The following GDNF variants were observed in gnomAD, a reference collection of about 807,000 sequenced individuals.
The protein encoded by GDNF is glial cell derived neurotrophic factor.
A neutral mutation model predicts 13.7 loss-of-function variants in GDNF; 5 were observed. The observed-to-expected ratio is 0.36, with a 90% CI of 0.19 to 0.77. The LOEUF (loss-of-function observed/expected upper bound fraction) is 0.77. GDNF is among the 30% of genes least tolerant of loss of function. The pLI is 0.51. For missense variants in GDNF, 246 were observed against 274.3 expected, an observed-to-expected ratio of 0.90 and a Z score of 0.73; for synonymous variants, 122 against 112.5, an observed-to-expected ratio of 1.08 and a Z score of -0.53.
At chr5:37,819,094 G>A (rs180816313) in intron 2 of GDNF, among the ~76,000 whole-genome samples, 2 of 152,316 alleles carry the variant, frequency 1.3e-5, no homozygotes, top group African/African-American at 4.8e-5. Flanking sequence ...AGTAGGCTGT[G>A]GAGGCCTACG....
rs1233684883 is a variant in GDNF, at chr5:37,816,154, G to A, written c.152-19C>T. ...ATATTTGCTGTTCAAAAAGAAAAGA[G>A]AAAATGGCACATGAGACAAAATGAT... On this transcript the variant is annotated intron_variant, in intron 2 of 2. Coordinates refer to ENST00000326524, the MANE Select transcript of GDNF (RefSeq NM_000514.4). 1 of 1,612,806 alleles carries A rather than the reference G, an allele frequency of 6.2e-7. No individual in the cohort carries two copies. Among genetic ancestry groups the A allele is most frequent in the South Asian group, 1.1e-5 (1 of 91,064 alleles).
intron 2 of GDNF, among the ~76,000 whole-genome samples, chr5:37,823,537 CA>C (rs1488444372): frequency 4.6e-5 from 7 of 152,208 alleles, no homozygotes. Flanking sequence ...CTGGTTCTTG[CA>C]TATCACGCTA....
At chr5:37,818,778 G>T (rs1236496940) in intron 2 of GDNF, among the ~76,000 whole-genome samples, 1 of 152,156 alleles carries the variant, frequency 6.6e-6, no homozygotes, top group Non-Finnish European at 1.5e-5. Context: ...GGTAGGCAAA[G>T]AATACCAGAT....
chr5:37,824,577 G>A (rs1458441002), intron 2 of GDNF: 5 of 152,190 alleles, frequency 3.3e-5, no homozygotes, highest in African/African-American at 1.2e-4. Flanking sequence ...GTAAAGTTTT[G>A]TTATCTGCTC....
chr5:37,818,622 G>A (rs1750014641), intron 2 of GDNF, among the ~76,000 whole-genome samples: 1 of 152,136 alleles, frequency 6.6e-6, no homozygotes, highest in Admixed American at 6.5e-5. Flanking sequence ...AGGTATCTCT[G>A]GATATTGCAA....
chr5:37,834,673 G>C lies in GDNF; in HGVS notation c.124C>G (p.Arg42Gly). 1 of 1,605,178 alleles carries C rather than the reference G, an allele frequency of 6.2e-7. No homozygotes were observed. The highest frequency in any genetic ancestry group is 8.5e-7 in the Non-Finnish European group (1 of 1,175,992). Residue 42 changes from arginine (R) to glycine (G), a missense_variant, in exon 2 of 3, where the codon CGC becomes GGC. Coordinates refer to ENST00000326524, the MANE Select transcript of GDNF (RefSeq NM_000514.4). ...TCACTGCTCAGCGCGAAGGGCGCGC[G>C]GCGGCGGCCGAGGGAGCGGTCTTCG... ...PAEDRSLGRR[R>G]APFALSSDSN...
rs1750649255 is a variant in GDNF at position 37,834,879 on chromosome 5, G to C, written c.-26-57C>G. The C allele has an allele frequency of 6.7e-5, 101 of 1,513,526 alleles. 3 individuals are homozygous for C. In the South Asian group the frequency reaches 1.2e-3, roughly 17 times the overall value. The allele number at this position is 1,513,526 out of a possible 1,614,324, so 93.8% of individuals were successfully genotyped here. A position where few individuals can be genotyped will look rare whatever the true frequency, so the allele number is the denominator to read the frequency against. ...ACCGCAGAATGCACGTTAAGCCTGG[G>C]CTCCCTGCGGGTCCCTGCGCCCCTC... On this transcript the variant is annotated intron_variant, in intron 1 of 2. Transcript: ENST00000326524.
chr5:37,835,534 C>G (rs375864735), intron 1 of GDNF: 1 of 1,483,400 alleles, frequency 6.7e-7, no homozygotes, highest in Non-Finnish European at 9.2e-7. Context: ...AGCACTGATT[C>G]GATTTAAAAT....
intron 2 of GDNF, among the ~76,000 whole-genome samples, chr5:37,818,003 C>G (rs762279603): frequency 1.3e-5 from 2 of 152,240 alleles, no homozygotes; most frequent in Non-Finnish European, 2.9e-5. Context: ...TCTCCTCCAG[C>G]CTTTATTACC....
chr5:37,828,966 G>A (rs1270269820), intron 2 of GDNF, among the ~76,000 whole-genome samples: 1 of 152,244 alleles, frequency 6.6e-6, no homozygotes, highest in Non-Finnish European at 1.5e-5. Context: ...AAGCAGTCTG[G>A]GTATTTAGGT....
chr5:37,835,830 G>T, intron 1 of GDNF: 1 of 668,838 alleles, frequency 1.5e-6, no homozygotes. Flanking sequence ...CGCTTTGGAG[G>T]TGCTCTGGCA....
In GDNF at chr5:37,834,741, G is replaced by C; in HGVS notation, c.56C>G (p.Ala19Gly). The C allele has an allele frequency of 6.2e-7, 1 of 1,612,290 alleles. No individual in the cohort carries two copies. Among genetic ancestry groups the C allele is most frequent in the South Asian group, 1.1e-5 (1 of 91,042 alleles). The change falls in exon 2 of 3, where the codon GCC becomes GGC. Residue 19 changes from alanine (A) to glycine (G), a missense_variant. Coordinates refer to ENST00000326524, the MANE Select transcript of GDNF (RefSeq NM_000514.4). ...VCLVLLHTASAFPLPAGKRPP... is the reference protein window; with the variant it reads ...VCLVLLHTASGFPLPAGKRPP... ...CCTCTTACCGGCGGGCAGCGGGAAG[G>C]CGGACGCGGTGTGGAGCAGCACCAG...
At chr5:37,828,601 T>C (rs1265902692) in intron 2 of GDNF, among the ~76,000 whole-genome samples, 2 of 152,342 alleles carry the variant, frequency 1.3e-5, no homozygotes, top group East Asian at 3.9e-4. Context: ...TCAAGAAATA[T>C]TGGCTTTCGG....
At chr5:37,817,776 A>G (rs1749985848) in intron 2 of GDNF, among the ~76,000 whole-genome samples, 1 of 152,074 alleles carries the variant, frequency 6.6e-6, no homozygotes, top group Non-Finnish European at 1.5e-5. Flanking sequence ...AAGCCCTGTC[A>G]CCTCTTGCCT....
At chr5:37,836,993 GA>G (rs1448796681) in intron 1 of GDNF, among the ~76,000 whole-genome samples, 1 of 152,220 alleles carries the variant, frequency 6.6e-6, no homozygotes, top group African/African-American at 2.4e-5. Flanking sequence ...CCAGCGCCCG[GA>G]TCGAGCTCCC....
In GDNF at chr5:37,834,826, C is replaced by A. The variant is rs771701766; in HGVS notation, c.-26-4G>T. The A allele has an allele frequency of 3.4e-5, 55 of 1,611,930 alleles. No homozygotes were observed. The highest frequency in any genetic ancestry group is 4.5e-5 in the Non-Finnish European group (53 of 1,179,042). On this transcript the variant is annotated splice_polypyrimidine_tract_variant and splice_region_variant and intron_variant, in intron 1 of 2. Transcript: ENST00000326524. ...AAGTCCCGTCCGGCGGCGGCACCTG[C>A]GCGGGCAGGCGGGAGGTGGGGGAGA... is the stretch of plus-strand genomic sequence containing the variant.
intron 1 of GDNF, among the ~76,000 whole-genome samples, chr5:37,835,172 C>T (rs971286682): frequency 6.0e-5 from 9 of 150,920 alleles, no homozygotes; most frequent in Middle Eastern, 3.4e-3. Flanking sequence ...TGCGCAACAT[C>T]CCCCATTCCT....
intron 2 of GDNF, among the ~76,000 whole-genome samples, chr5:37,818,576 G>A (rs2111643392): frequency 6.6e-6 from 1 of 152,130 alleles, no homozygotes; most frequent in East Asian, 1.9e-4. Context: ...CTAATACAAG[G>A]CCCATAGCAT....
At chr5:37,833,042 A>C (rs1035115282) in intron 2 of GDNF, among the ~76,000 whole-genome samples, 1 of 152,222 alleles carries the variant, frequency 6.6e-6, no homozygotes, top group East Asian at 1.9e-4. Context: ...AAAGTCACAG[A>C]GTTAGTTGAA....
Sources: allele counts gnomAD v4.1 joint callset (sites outside exome capture counted in the v4.1 genomes callset), GRCh38; gene constraint gnomAD v4.1.1; transcripts MANE v1.5; gene names NCBI Gene and HGNC (gene_info 2026-07-23, HGNC 2026-07-21).